Variants in ADCY9 observed in about 807,000 individuals in gnomAD.
The protein encoded by ADCY9 is adenylate cyclase type 9.
In ADCY9, 50 loss-of-function variants were observed where a neutral mutation model predicts 101.5. That is an observed-to-expected ratio of 0.49 (90% CI 0.39 to 0.62). The LOEUF is 0.62. ADCY9 is among the 20% of genes least tolerant of loss of function. The probability of loss-of-function intolerance (pLI) is 0.00; values close to 1 mark genes in which losing one functional copy is unlikely to be tolerated. For synonymous variants in ADCY9, 905 were observed against 769.3 expected (o/e 1.18, Z -2.92); for missense variants, 1,662 against 1,800.4 (o/e 0.92, Z 1.39).
rs115740691 is a variant in ADCY9, at chr16:4,024,856, C to G, written c.1694-17298G>C. ...ATCAGGAGCTCAGTTCTGGACCTCC[C>G]AAGCTGAAGATGCTGGTGACACGCT... On this transcript the variant is annotated intron_variant, in intron 2 of 10. Transcript: ENST00000294016. 3.7e-3 allele frequency among the ~76,000 whole-genome samples: 569 copies of G among 152,210 alleles called. 4 individuals carry two copies. Among genetic ancestry groups the G allele is most frequent in the African/African-American group, 0.013 (530 of 41,532 alleles).
intron 3 of ADCY9, among the ~76,000 whole-genome samples, chr16:4,006,687 A>C (rs1040426575): frequency 1.3e-5 from 2 of 152,228 alleles, no homozygotes; most frequent in African/African-American, 4.8e-5. Flanking sequence ...AATAAACAGA[A>C]GGTACCAGTG....
chr16:4,102,316 C>T (rs561058792), intron 2 of ADCY9, among the ~76,000 whole-genome samples: 14 of 152,212 alleles, frequency 9.2e-5, no homozygotes, highest in African/African-American at 2.6e-4. Context: ...ACCATACAAC[C>T]GAGAATTAAG....
chr16:4,080,150 A>G (rs2141178167), intron 2 of ADCY9, among the ~76,000 whole-genome samples: 1 of 152,310 alleles, frequency 6.6e-6, no homozygotes, highest in African/African-American at 2.4e-5. Flanking sequence ...AGCAACAGAA[A>G]ACTCAAACAC....
chr16:4,103,189 C>T (rs1391112569), intron 2 of ADCY9, among the ~76,000 whole-genome samples: 1 of 152,232 alleles, frequency 6.6e-6, no homozygotes, highest in Non-Finnish European at 1.5e-5. Context: ...GGCGTTGTTT[C>T]ACACACATGA....
chr16:4,005,906 C>G (rs567798350), intron 3 of ADCY9, among the ~76,000 whole-genome samples: 4 of 152,296 alleles, frequency 2.6e-5, no homozygotes, highest in African/African-American at 9.6e-5. Flanking sequence ...GATTCCACCC[C>G]ACGCCAGCCC....
chr16:4,102,369 A>C (rs954487744), intron 2 of ADCY9, among the ~76,000 whole-genome samples: 7 of 152,238 alleles, frequency 4.6e-5, no homozygotes, highest in Admixed American at 2.6e-4. Context: ...CCAACCATTC[A>C]AGGGTGAGCC....
chr16:3,991,643 C>T (rs2056244474), intron 5 of ADCY9, among the ~76,000 whole-genome samples: 1 of 151,620 alleles, frequency 6.6e-6, no homozygotes, highest in Non-Finnish European at 1.5e-5. Context: ...TGCCTGTAGT[C>T]CCAGCTACTT....
chr16:4,064,003 A>G (rs529867554), intron 2 of ADCY9, among the ~76,000 whole-genome samples: 24 of 152,172 alleles, frequency 1.6e-4, no homozygotes, highest in Admixed American at 5.9e-4. Context: ...AACAAGTAAA[A>G]CTCTTCATAT....
intron 2 of ADCY9, among the ~76,000 whole-genome samples, chr16:4,035,356 ATTAC>A (rs1160406675): frequency 2.6e-5 from 4 of 152,202 alleles, no homozygotes; most frequent in African/African-American, 9.6e-5. Flanking sequence ...TATCTTAATA[ATTAC>A]TTAATATATA....
intron 2 of ADCY9, among the ~76,000 whole-genome samples, chr16:4,077,323 G>A (rs2056874080): frequency 6.6e-6 from 1 of 152,264 alleles, no homozygotes; most frequent in African/African-American, 2.4e-5. Context: ...GATTCACGAG[G>A]CCCAGGAGGG....
At chr16:4,006,943 T>C (rs1229873286) in intron 3 of ADCY9, among the ~76,000 whole-genome samples, 1 of 152,124 alleles carries the variant, frequency 6.6e-6, no homozygotes, top group African/African-American at 2.4e-5. Flanking sequence ...TTTCAAGTAA[T>C]CATAAAATAG....
chr16:4,076,291 G>A (rs2056866945), intron 2 of ADCY9, among the ~76,000 whole-genome samples: 1 of 152,170 alleles, frequency 6.6e-6, no homozygotes, highest in Admixed American at 6.6e-5. Flanking sequence ...TGTTAGAAAA[G>A]CTAACAAGAG....
intron 2 of ADCY9, among the ~76,000 whole-genome samples, chr16:4,096,022 AC>A (rs1260867268): frequency 6.6e-6 from 1 of 151,466 alleles, no homozygotes; most frequent in Non-Finnish European, 1.5e-5. Context: ...CTCTAACGAT[AC>A]CCTGCTTTAT....
rs1328288292 is a variant in ADCY9 at position 4,113,012 on chromosome 16, G to A, written c.1693+738C>T. Reference sequence around the variant, plus strand: ...ACCAGATCCAAACCTGAGAGGATGAGGGAGGGGAATACCAGCTCTCCGGCA... The same window carrying A: ...ACCAGATCCAAACCTGAGAGGATGAAGGAGGGGAATACCAGCTCTCCGGCA... On this transcript the variant is annotated intron_variant, in intron 2 of 10. Transcript: ENST00000294016. Among the ~76,000 whole-genome samples, 6 of 152,114 alleles carry A rather than the reference G, an allele frequency of 3.9e-5. No individual in the cohort carries two copies. The East Asian group carries it at 1.2e-3, about 29-fold the overall frequency.
intron 2 of ADCY9, among the ~76,000 whole-genome samples, chr16:4,103,440 A>G (rs781127364): frequency 1.3e-5 from 2 of 152,256 alleles, no homozygotes; most frequent in Non-Finnish European, 2.9e-5. Context: ...GTGCCTGAGC[A>G]GGTCCCGATG....
chr16:4,089,451 T>C (rs910321133), intron 2 of ADCY9, among the ~76,000 whole-genome samples: 11 of 152,042 alleles, frequency 7.2e-5, no homozygotes, highest in African/African-American at 2.4e-4. Flanking sequence ...GTTGATGTGT[T>C]ACTTGTTTTG....
At chr16:4,016,506 C>T (rs1490226951) in intron 2 of ADCY9, among the ~76,000 whole-genome samples, 1 of 152,156 alleles carries the variant, frequency 6.6e-6, no homozygotes, top group Non-Finnish European at 1.5e-5. Context: ...AGACCGTGTT[C>T]TTGTCCCTAG....
At chr16:4,020,347 C>A (rs2141737528) in intron 2 of ADCY9, among the ~76,000 whole-genome samples, 1 of 152,262 alleles carries the variant, frequency 6.6e-6, no homozygotes, top group East Asian at 1.9e-4. Context: ...ACAGAAAGTT[C>A]TTTTTTACCT....
intron 9 of ADCY9, among the ~76,000 whole-genome samples, chr16:3,977,269 C>T (rs960124920): frequency 1.3e-5 from 2 of 152,228 alleles, no homozygotes; most frequent in African/African-American, 4.8e-5. Context: ...GAGTGCTGTT[C>T]TAAATGATAT....
Sources: gnomAD v4.1 joint callset for allele counts (sites outside exome capture counted in the v4.1 genomes callset) on GRCh38, gnomAD v4.1.1 for gene constraint, MANE v1.5 for transcripts, NCBI Gene and HGNC (gene_info 2026-07-23, HGNC 2026-07-21) for gene names.